Variants in ARHGEF3 observed in about 807,000 individuals in gnomAD.
ARHGEF3 encodes 59.8 kDA protein.
ARHGEF3 carries 28 observed loss-of-function variants against 63.2 expected under a neutral mutation model. The ratio of observed to expected loss-of-function variants is 0.44; its 90% CI spans 0.33 to 0.61. The LOEUF (loss-of-function observed/expected upper bound fraction) is 0.61, where lower values mean the gene tolerates loss of function less well. Ranked by LOEUF, ARHGEF3 falls within the 20% of genes least tolerant of loss-of-function variation. ARHGEF3 has a pLI of 0.03. For synonymous variants in ARHGEF3, 266 were observed against 254.2 expected (o/e 1.05, Z -0.44); for missense variants, 533 against 659.3 (o/e 0.81, Z 2.10).
intron 2 of ARHGEF3, among the ~76,000 whole-genome samples, chr3:57,002,462 C>CTATATATATATATATATATATATATATA (rs1165862414): frequency 2.6e-5 from 1 of 38,680 alleles, no homozygotes; most frequent in African/African-American, 1.1e-4. Context: ...GTTCTAAGCA[C>CTATATATATATATATATATATATATATA]TATATATATA....
intron 4 of ARHGEF3, among the ~76,000 whole-genome samples, chr3:56,849,212 T>C (rs1201896553): frequency 1.3e-5 from 2 of 152,210 alleles, no homozygotes; most frequent in Non-Finnish European, 2.9e-5. Context: ...AAGTGTCCTG[T>C]ACCTACAGAA....
chr3:56,918,488 A>T (rs2042040823), intron 3 of ARHGEF3, among the ~76,000 whole-genome samples: 1 of 152,226 alleles, frequency 6.6e-6, no homozygotes, highest in African/African-American at 2.4e-5. Context: ...AAGAGGTGAA[A>T]CTTGAGGGGC....
At chr3:56,801,602 AAC>A in intron 1 of ARHGEF3, 99 bp downstream of exon 1, 1 of 1,421,038 alleles carries the variant, frequency 7.0e-7, no homozygotes, top group Non-Finnish European at 9.5e-7. Context: ...GAGAGATGGA[AAC>A]AGAGACAGTG....
chr3:56,759,174 ATT>A (rs35855808), intron 2 of ARHGEF3, among the ~76,000 whole-genome samples: 48 of 128,164 alleles, frequency 3.7e-4, no homozygotes, highest in East Asian at 1.6e-3. Flanking sequence ...AGAAAACTGA[ATT>A]TTTTTTTTTT....
At chr3:56,953,261 G>A (rs1443259442) in intron 3 of ARHGEF3, among the ~76,000 whole-genome samples, 1 of 152,238 alleles carries the variant, frequency 6.6e-6, no homozygotes, top group African/African-American at 2.4e-5. Context: ...TTACTGAGTT[G>A]TGAATTTCAG....
intron 3 of ARHGEF3, among the ~76,000 whole-genome samples, chr3:56,896,215 G>A (rs1003418286): frequency 6.6e-6 from 1 of 152,196 alleles, no homozygotes; most frequent in Non-Finnish European, 1.5e-5. Flanking sequence ...TCCAGAATAA[G>A]ATACTCCTGA....
At chr3:56,769,765 T>A (rs1304528270) in intron 2 of ARHGEF3, among the ~76,000 whole-genome samples, 1 of 152,168 alleles carries the variant, frequency 6.6e-6, no homozygotes, top group African/African-American at 2.4e-5. Context: ...AGTCATCTCT[T>A]CTATAATTAA....
chr3:57,065,705 C>T (rs113610073), intron 1 of ARHGEF3, among the ~76,000 whole-genome samples: 182 of 152,282 alleles, frequency 1.2e-3, no homozygotes, highest in African/African-American at 4.3e-3. Flanking sequence ...CAGGCAGCCC[C>T]AGATACCTAC....
intron 2 of ARHGEF3, among the ~76,000 whole-genome samples, chr3:57,014,205 C>T (rs552144363): frequency 6.6e-6 from 1 of 152,286 alleles, no homozygotes; most frequent in South Asian, 2.1e-4. Context: ...AAGGAAAAAA[C>T]TCCAAACACG....
At chr3:56,846,266 C>T (rs1190380378) in intron 4 of ARHGEF3, among the ~76,000 whole-genome samples, 1 of 152,128 alleles carries the variant, frequency 6.6e-6, no homozygotes, top group Non-Finnish European at 1.5e-5. Context: ...AGCACAAGAA[C>T]ACAAACATGG....
chr3:56,752,658 G>A (rs2034842262), intron 4 of ARHGEF3, among the ~76,000 whole-genome samples: 1 of 152,216 alleles, frequency 6.6e-6, no homozygotes, highest in Non-Finnish European at 1.5e-5. Context: ...AGGTGCTTGA[G>A]TTTGGCAAAT....
At chr3:57,041,529 A>C (rs919898258) in intron 1 of ARHGEF3, among the ~76,000 whole-genome samples, 2 of 152,200 alleles carry the variant, frequency 1.3e-5, no homozygotes, top group African/African-American at 4.8e-5. Flanking sequence ...ACACTTTCAC[A>C]TACTTAATTA....
chr3:56,954,642 G>A lies in ARHGEF3; in HGVS notation c.129+4181C>T, dbSNP rs191197098. ...AGTGCCACACCTTGCTCAGGAGGGTGGGAAAGTCCTGGAGGGTTGGTAACA... is the reference window on the plus strand; with the variant it reads ...AGTGCCACACCTTGCTCAGGAGGGTAGGAAAGTCCTGGAGGGTTGGTAACA... On this transcript the variant is annotated intron_variant, in intron 3 of 12. Transcript: ENST00000338458. 1.3e-4 allele frequency among the ~76,000 whole-genome samples: 20 copies of A among 152,274 alleles called. No individual in the cohort carries two copies. The East Asian group carries it at 3.5e-3, about 26-fold the overall frequency.
At chr3:57,073,188 CACAA>C (rs375876534) in intron 1 of ARHGEF3, among the ~76,000 whole-genome samples, 292 of 152,174 alleles carry the variant, frequency 1.9e-3, no homozygotes, top group African/African-American at 6.7e-3. Context: ...CCCAGTTGAT[CACAA>C]ACATTCTCTC....
At chr3:56,906,732 A>C (rs529043656) in intron 3 of ARHGEF3, among the ~76,000 whole-genome samples, 27 of 151,708 alleles carry the variant, frequency 1.8e-4, no homozygotes, top group Admixed American at 1.5e-3. Flanking sequence ...GCTACTCGGG[A>C]GGCTGAGGTA....
At chr3:56,762,038 A>G (rs1269865309) in intron 2 of ARHGEF3, among the ~76,000 whole-genome samples, 2 of 152,168 alleles carry the variant, frequency 1.3e-5, no homozygotes, top group Non-Finnish European at 2.9e-5. Context: ...TGTGCATTGT[A>G]GGATATTTCG....
chr3:56,968,173 T>TTTAA (rs1700702007), intron 2 of ARHGEF3, among the ~76,000 whole-genome samples: 1 of 20,112 alleles, frequency 5.0e-5, no homozygotes, highest in African/African-American at 1.1e-4. Flanking sequence ...TTATATAATA[T>TTTAA]ATATAAAAAT....
chr3:57,075,859 A>G (rs1014484563), intron 1 of ARHGEF3, among the ~76,000 whole-genome samples: 4 of 152,190 alleles, frequency 2.6e-5, no homozygotes, highest in South Asian at 2.1e-4. Flanking sequence ...ATAACTGAAT[A>G]AACAATTTTC....
At chr3:56,892,706 C>A (rs1342967488) in intron 3 of ARHGEF3, among the ~76,000 whole-genome samples, 1 of 152,232 alleles carries the variant, frequency 6.6e-6, no homozygotes, top group Admixed American at 6.5e-5. Context: ...AAGTGCTCAT[C>A]ATCCACAATA....
Sources: allele counts gnomAD v4.1 joint callset (sites outside exome capture counted in the v4.1 genomes callset), GRCh38; gene constraint gnomAD v4.1.1; transcripts MANE v1.5; gene names NCBI Gene and HGNC (gene_info 2026-07-23, HGNC 2026-07-21).